The following INCENP variants were observed in gnomAD, a reference collection of about 807,000 sequenced individuals.
INCENP encodes binds and activates aurora-B and -C in vivo and in vitro.
In INCENP, 43 loss-of-function variants were observed where a neutral mutation model predicts 107.3. That is an observed-to-expected ratio of 0.40 (90% CI 0.31 to 0.52). INCENP has a LOEUF of 0.52. Ranked by LOEUF, INCENP falls within the 20% of genes least tolerant of loss-of-function variation. The pLI is 0.53. For synonymous variants in INCENP, 488 were observed against 494.4 expected (o/e 0.99, Z 0.17); for missense variants, 1,089 against 1,250.9 (o/e 0.87, Z 1.95).
intron 11 of INCENP, among the ~76,000 whole-genome samples, chr11:62,143,961 C>T (rs1389783807): frequency 6.6e-6 from 1 of 152,258 alleles, no homozygotes; most frequent in Non-Finnish European, 1.5e-5. Context: ...CTGGGACTTT[C>T]TGTGTCTGCC....
intron 18 of INCENP, among the ~76,000 whole-genome samples, chr11:62,151,503 C>T (rs1335378244): frequency 3.9e-5 from 6 of 152,188 alleles, no homozygotes; most frequent in East Asian, 1.9e-4. Flanking sequence ...AGGTGGTGGT[C>T]GGGACAGGTT....
chr11:62,146,321 C>A (rs1024633272), intron 14 of INCENP, among the ~76,000 whole-genome samples: 1 of 152,180 alleles, frequency 6.6e-6, no homozygotes, highest in African/African-American at 2.4e-5. Context: ...ACCCAGCAAC[C>A]CCATGAAGTG....
intron 4 of INCENP, among the ~76,000 whole-genome samples, chr11:62,133,994 T>C (rs1348496613): frequency 6.6e-6 from 1 of 152,176 alleles, no homozygotes; most frequent in Non-Finnish European, 1.5e-5. Context: ...CTCAGCTACC[T>C]TCTCTCTGTT....
intron 11 of INCENP, among the ~76,000 whole-genome samples, chr11:62,142,145 C>G (rs1944138640): frequency 6.6e-6 from 1 of 152,222 alleles, no homozygotes; most frequent in Non-Finnish European, 1.5e-5. Flanking sequence ...AGCCCCAGCT[C>G]CCTGTGCCAT....
At chr11:62,139,800 C>T (rs908399918) in intron 7 of INCENP, among the ~76,000 whole-genome samples, 5 of 152,212 alleles carry the variant, frequency 3.3e-5, no homozygotes, top group African/African-American at 9.6e-5. Context: ...GGCGTCCACA[C>T]ACTGTTCTTC....
intron 14 of INCENP, 76 bp downstream of exon 14, chr11:62,145,827 T>C: frequency 6.8e-7 from 1 of 1,475,504 alleles, no homozygotes; most frequent in Non-Finnish European, 9.1e-7. Context: ...CCCTACTGGG[T>C]GCACCCCACC....
intron 4 of INCENP, among the ~76,000 whole-genome samples, chr11:62,132,779 C>G (rs1236163406): frequency 6.6e-6 from 1 of 152,112 alleles, no homozygotes; most frequent in East Asian, 1.9e-4. Context: ...CTGTCTGACT[C>G]CCAGCCCAGC....
chr11:62,147,266 C>T (rs1053716155), intron 15 of INCENP, among the ~76,000 whole-genome samples: 1 of 152,116 alleles, frequency 6.6e-6, no homozygotes, highest in Admixed American at 6.5e-5. Context: ...GTTTGGCATC[C>T]TTGGCCCCTG....
chr11:62,148,389 TG>T lies in INCENP; in HGVS notation c.2205-84del, dbSNP rs1944300980. The T allele has an allele frequency of 1.3e-5, 16 of 1,249,562 alleles. No homozygotes were observed. The East Asian group carries it at 4.0e-4, about 31-fold the overall frequency. 77.4% of individuals were successfully genotyped at this position (1,249,562 alleles called of 1,614,324 possible). A position where few individuals can be genotyped will look rare whatever the true frequency, so the allele number is the denominator to read the frequency against. On this transcript the variant is annotated intron_variant, in intron 15 of 18. Transcript: ENST00000394818. ...ACTTTCTAAGGTGTGTCCTACTGGC[TG>T]GGCCTGGTTTCCCCAGCAGGGATGG...
At chr11:62,138,821 T>C in intron 6 of INCENP, 51 bp downstream of exon 6, 3 of 1,608,150 alleles carry the variant, frequency 1.9e-6, no homozygotes, top group Non-Finnish European at 1.7e-6. Context: ...GCTCCCGCTC[T>C]GCACTACGGC....
intron 4 of INCENP, 47 bp downstream of exon 4, chr11:62,130,637 T>A: frequency 6.5e-7 from 1 of 1,527,710 alleles, no homozygotes; most frequent in Non-Finnish European, 8.9e-7. Context: ...GGTGCCAGGC[T>A]CAGATGGAGG....
In INCENP at chr11:62,145,573, A is replaced by T. The variant is rs971724999; in HGVS notation, c.1837-56A>T. On this transcript the variant is annotated intron_variant, in intron 13 of 18. Transcript: ENST00000394818. Reference sequence around the variant, plus strand: ...CCTGTCACACACAGTTCTGGGCTCCACTCTGCAGGATTGAATGTGGGTGCT... The same window carrying T: ...CCTGTCACACACAGTTCTGGGCTCCTCTCTGCAGGATTGAATGTGGGTGCT... The T allele has an allele frequency of 3.9e-6, 6 of 1,549,058 alleles. No individual in the cohort carries two copies. In the Admixed American group the frequency reaches 7.7e-5, roughly 20 times the overall value.
At position 62,140,951 on chromosome 11, in the gene INCENP, G is replaced by C; in HGVS notation, c.1500G>C (p.Gln500His). ...RPLRTFLHTV[Q>H]RNQMLMTPTS... Reference sequence around the variant, plus strand: ...TCCGGACCTTTCTGCACACAGTGCAGAGGAACCAGATGCTCATGACCCCGA... The same window carrying C: ...TCCGGACCTTTCTGCACACAGTGCACAGGAACCAGATGCTCATGACCCCGA... Residue 500 changes from glutamine to histidine, a missense_variant, in exon 10 of 19, where the codon CAG (glutamine) becomes CAC (histidine). Gln to His is a conservative substitution (Grantham distance 24, BLOSUM62 0). Coordinates refer to ENST00000394818, the MANE Select transcript of INCENP (RefSeq NM_001040694.2). 6.2e-7 allele frequency: 1 copy of C among 1,614,232 alleles called. No homozygotes were observed. Among genetic ancestry groups the C allele is most frequent in the Non-Finnish European group, 8.5e-7 (1 of 1,180,032 alleles).
chr11:62,147,026 C>T lies in INCENP; in HGVS notation c.2204+124C>T. The T allele has an allele frequency of 2.8e-6, 4 of 1,436,866 alleles. No individual in the cohort carries two copies. The South Asian group carries it at 5.2e-5, about 19-fold the overall frequency. 89.0% of individuals were successfully genotyped at this position (1,436,866 alleles called of 1,614,324 possible). On this transcript the variant is annotated intron_variant, in intron 15 of 18. Coordinates refer to ENST00000394818, the MANE Select transcript of INCENP (RefSeq NM_001040694.2). ...TGCAGGTGCTTTCCTTGGCACCAAA[C>T]CCAGAGGCCCACCTGAATACACTGC...
chr11:62,148,516 G>A lies in INCENP; in HGVS notation c.2245G>A (p.Glu749Lys), dbSNP rs748883611. Residue 749 changes from glutamate (E) to lysine (K), a missense_variant, in exon 16 of 19, where the codon GAG becomes AAG. Coordinates refer to ENST00000394818, the MANE Select transcript of INCENP (RefSeq NM_001040694.2). ...GGAGAAGGCCCTGCGGCTGCAGAAG[G>A]AGCAGCTGCAGAGGGAACTGGAGGA... Reference protein sequence around the residue: ...EREKALRLQKEQLQRELEEKK... With the variant: ...EREKALRLQKKQLQRELEEKK... 60 of 1,608,502 alleles carry A rather than the reference G, an allele frequency of 3.7e-5. No homozygotes were observed. The highest frequency in any genetic ancestry group is 1.4e-4 in the Admixed American group (8 of 59,036).
chr11:62,124,921 C>G (rs1447562160), intron 1 of INCENP, among the ~76,000 whole-genome samples: 2 of 152,200 alleles, frequency 1.3e-5, no homozygotes, highest in Non-Finnish European at 2.9e-5. Context: ...GAGTATGACT[C>G]AGTAAATGGG....
At position 62,130,601 on chromosome 11, in the gene INCENP, G is replaced by C; in HGVS notation, c.1063+11G>C. 1 of 1,602,896 alleles carries C rather than the reference G, an allele frequency of 6.2e-7. No homozygotes were observed. Among genetic ancestry groups the C allele is most frequent in the African/African-American group, 1.3e-5 (1 of 74,840 alleles). ...CTGGCCGCATCATCTGTGAGTCTGG[G>C]GGCTTGGCAGTGGCGGGTGGTCCTT... On this transcript the variant is annotated intron_variant, in intron 4 of 18. Transcript: ENST00000394818.
chr11:62,146,051 A>T (rs1254445558), intron 14 of INCENP, among the ~76,000 whole-genome samples: 1 of 152,180 alleles, frequency 6.6e-6, no homozygotes, highest in Non-Finnish European at 1.5e-5. Context: ...CTCTGCTTCC[A>T]TGTCTTCAAG....
intron 4 of INCENP, among the ~76,000 whole-genome samples, chr11:62,135,698 C>G (rs1033207002): frequency 6.6e-6 from 1 of 152,200 alleles, no homozygotes; most frequent in African/African-American, 2.4e-5. Flanking sequence ...CCTAAAAAAG[C>G]ACATTTGTTT....
Sources: allele counts gnomAD v4.1 joint callset (sites outside exome capture counted in the v4.1 genomes callset), GRCh38; gene constraint gnomAD v4.1.1; transcripts MANE v1.5; gene names NCBI Gene and HGNC (gene_info 2026-07-23, HGNC 2026-07-21).